PARD3: variants seen among roughly 807,000 people sequenced by gnomAD.
PARD3 encodes partitioning defective 3 homolog.
PARD3 carries 75 observed loss-of-function variants against 155.4 expected under a neutral mutation model. The observed-to-expected ratio is 0.48, with a 90% confidence interval of 0.40 to 0.58. PARD3 has a LOEUF of 0.58. Among genes scored for constraint, PARD3 ranks in the 20% least tolerant of loss-of-function variants. PARD3 has a pLI of 0.00. For missense variants in PARD3, 1,642 were observed against 1,721.7 expected, an observed-to-expected ratio of 0.95 and a Z score of 0.82; for synonymous variants, 576 against 610.5, an observed-to-expected ratio of 0.94 and a Z score of 0.83.
intron 1 of PARD3, among the ~76,000 whole-genome samples, chr10:34,697,852 A>T (rs540031497): frequency 1.3e-5 from 2 of 151,764 alleles, no homozygotes; most frequent in African/African-American, 4.8e-5. Flanking sequence ...CCCAATTACA[A>T]CATCATCCAG....
At chr10:34,163,258 G>A (rs1468171536) in intron 22 of PARD3, among the ~76,000 whole-genome samples, 2 of 152,124 alleles carry the variant, frequency 1.3e-5, no homozygotes, top group East Asian at 1.9e-4. Flanking sequence ...GCCGGTGGGG[G>A]GGAGGACACA....
rs1190056350 is a variant in PARD3, at chr10:34,385,574, C to CAATTA, written c.891-1321_891-1320insTAATT. Among the ~76,000 whole-genome samples, 368 of 152,222 alleles carry CAATTA rather than the reference C, an allele frequency of 2.4e-3. 1 individual carries two copies. The highest frequency in any genetic ancestry group is 8.6e-3 in the African/African-American group (357 of 41,526). On this transcript the variant is annotated intron_variant, in intron 7 of 24. Coordinates refer to ENST00000374788, the MANE Select transcript of PARD3 (RefSeq NM_001184785.2). ...CTACACAGGCACTAAAATTGAGAAT[C>CAATTA]CAGTATAAATTAAAATTGAAGACAC...
At chr10:34,337,902 G>GA (rs539357996) in intron 16 of PARD3, among the ~76,000 whole-genome samples, 275 of 152,084 alleles carry the variant, frequency 1.8e-3, no homozygotes, top group African/African-American at 6.3e-3. Context: ...TTTAAGGAAA[G>GA]AAAAAAAATG....
At chr10:34,233,692 A>T (rs1053955036) in intron 22 of PARD3, among the ~76,000 whole-genome samples, 1 of 152,078 alleles carries the variant, frequency 6.6e-6, no homozygotes, top group Non-Finnish European at 1.5e-5. Context: ...CTACCCAATA[A>T]GCATCAGGTC....
intron 2 of PARD3, among the ~76,000 whole-genome samples, chr10:34,605,149 T>C (rs915569314): frequency 1.5e-4 from 23 of 151,000 alleles, no homozygotes; most frequent in African/African-American, 4.9e-4. Flanking sequence ...ACACTAGGTA[T>C]GCCACTGATC....
intron 2 of PARD3, among the ~76,000 whole-genome samples, chr10:34,527,677 TTC>T (rs1308051609): frequency 1.3e-5 from 2 of 152,214 alleles, no homozygotes; most frequent in South Asian, 2.1e-4. Flanking sequence ...CTCAAATTCA[TTC>T]TGACAACCAC....
intron 14 of PARD3, among the ~76,000 whole-genome samples, chr10:34,353,249 G>A (rs1402632961): frequency 6.6e-6 from 1 of 152,242 alleles, no homozygotes; most frequent in Non-Finnish European, 1.5e-5. Context: ...GGGCCATGAT[G>A]ACGATAGCAG....
intron 5 of PARD3, among the ~76,000 whole-genome samples, chr10:34,411,919 CGTGT>C (rs61517279): frequency 0.058 from 8,225 of 141,070 alleles, 434 homozygotes; most frequent in African/African-American, 0.15. Flanking sequence ...ATAAGCTAGT[CGTGT>C]GTGTGTGTGT....
intron 2 of PARD3, among the ~76,000 whole-genome samples, chr10:34,537,353 T>C (rs1211013976): frequency 6.6e-6 from 1 of 152,224 alleles, no homozygotes; most frequent in Non-Finnish European, 1.5e-5. Context: ...AATTGAGTTA[T>C]ATTCTGGGTA....
At chr10:34,517,860 C>T (rs150080428) in intron 2 of PARD3, among the ~76,000 whole-genome samples, 93 of 152,124 alleles carry the variant, frequency 6.1e-4, no homozygotes, top group South Asian at 1.9e-3. Flanking sequence ...TCAGTATGAG[C>T]TCAGTTTTTG....
chr10:34,781,108 G>A (rs1840187979), intron 1 of PARD3, among the ~76,000 whole-genome samples: 1 of 152,168 alleles, frequency 6.6e-6, no homozygotes, highest in African/African-American at 2.4e-5. Context: ...CTGGGGACCT[G>A]GGGCACCCCT....
At chr10:34,485,830 T>C (rs1441311661) in intron 3 of PARD3, among the ~76,000 whole-genome samples, 1 of 152,096 alleles carries the variant, frequency 6.6e-6, no homozygotes, top group Non-Finnish European at 1.5e-5. Flanking sequence ...TAAAATACTT[T>C]GATTTCTTTA....
At position 34,337,268 on chromosome 10, in the gene PARD3, T is replaced by G. The variant is rs1836291673; in HGVS notation, c.2560+7A>C. 2 of 1,554,230 alleles carry G rather than the reference T, an allele frequency of 1.3e-6. No homozygotes were observed. Among genetic ancestry groups the G allele is most frequent in the African/African-American group, 2.8e-5 (2 of 71,874 alleles). On this transcript the variant is annotated splice_region_variant and intron_variant, in intron 17 of 24. Transcript: ENST00000374788. ...TTTAGATAAAGATTCATGGAGATTG[T>G]ACTCACTACCTAAATCCATGCTTTT...
intron 2 of PARD3, among the ~76,000 whole-genome samples, chr10:34,547,683 A>AC (rs1013324093): frequency 2.0e-5 from 3 of 152,218 alleles, no homozygotes; most frequent in Non-Finnish European, 4.4e-5. Flanking sequence ...CCATGCCATG[A>AC]CCTGACATCT....
At chr10:34,673,443 T>C (rs908692830) in intron 2 of PARD3, among the ~76,000 whole-genome samples, 2 of 152,238 alleles carry the variant, frequency 1.3e-5, no homozygotes, top group African/African-American at 4.8e-5. Flanking sequence ...TATTTAAGTT[T>C]TGGAACCTCT....
chr10:34,197,748 T>A (rs899517711), intron 22 of PARD3, among the ~76,000 whole-genome samples: 1 of 152,230 alleles, frequency 6.6e-6, no homozygotes, highest in African/African-American at 2.4e-5. Context: ...TTATTTATTT[T>A]GAGACACAGT....
chr10:34,319,657 C>T (rs1162077309), intron 19 of PARD3, among the ~76,000 whole-genome samples: 4 of 152,188 alleles, frequency 2.6e-5, no homozygotes, highest in Admixed American at 2.6e-4. Context: ...AATATCCTGG[C>T]AGTTGGCCCA....
intron 3 of PARD3, among the ~76,000 whole-genome samples, chr10:34,479,591 A>C (rs1323245982): frequency 6.6e-6 from 1 of 152,118 alleles, no homozygotes; most frequent in Non-Finnish European, 1.5e-5. Flanking sequence ...TATTCTTCTT[A>C]TCACCCAATG....
intron 6 of PARD3, among the ~76,000 whole-genome samples, chr10:34,399,738 T>C (rs1214885139): frequency 6.6e-6 from 1 of 152,178 alleles, no homozygotes; most frequent in Non-Finnish European, 1.5e-5. Context: ...CAAGTTTATG[T>C]CTTTCAAGTA....
Sources: allele counts gnomAD v4.1 joint callset (sites outside exome capture counted in the v4.1 genomes callset), GRCh38; gene constraint gnomAD v4.1.1; transcripts MANE v1.5; gene names NCBI Gene and HGNC (gene_info 2026-07-23, HGNC 2026-07-21).